GLB1L2: variants seen among roughly 807,000 people sequenced by gnomAD.
The protein encoded by GLB1L2 is beta-galactosidase-1-like protein 2.
GLB1L2 carries 68 observed loss-of-function variants against 84.1 expected under a neutral mutation model. The observed-to-expected ratio is 0.81, with a 90% CI of 0.67 to 0.99. The LOEUF (loss-of-function observed/expected upper bound fraction) is 0.99, where lower values mean the gene tolerates loss of function less well. GLB1L2 is among the 50% of genes least tolerant of loss of function. The pLI is 0.00. For missense variants in GLB1L2, 762 were observed against 805.6 expected (o/e 0.95, Z 0.66); for synonymous variants, 290 against 318.0 (o/e 0.91, Z 0.94).
At position 134,370,394 on chromosome 11, in the gene GLB1L2, GGGGAGGTGAGTGCTGTGGGCAGTCATC is replaced by G; in HGVS notation, c.1215+8_1215+34del. ...TCTGTGGGACGCCCTCAAGTACCTG[GGGGAGGTGAGTGCTGTGGGCAGTCATC>G]GGGAGGTGAGTGAGTGCCGGGGGCA... On this transcript the variant is annotated splice_donor_variant and splice_donor_5th_base_variant and coding_sequence_variant and intron_variant, in exon 12 of 19. Transcript: ENST00000535456. LOFTEE classifies it high-confidence loss of function. The surrounding 1 kb of genome is among the most constrained non-coding windows in gnomAD (Gnocchi z 4.7). 17 of 1,611,518 alleles carry G rather than the reference GGGGAGGTGAGTGCTGTGGGCAGTCATC, an allele frequency of 1.1e-5. No homozygotes were observed. The highest frequency in any genetic ancestry group is 1.3e-5 in the Non-Finnish European group (15 of 1,178,200).
rs535728884 is a variant in GLB1L2 at position 134,375,391 on chromosome 11, G to A, written c.*333G>A. On this transcript the variant is annotated 3_prime_UTR_variant, in exon 19 of 19. Coordinates refer to ENST00000535456, the MANE Select transcript of GLB1L2 (RefSeq NM_001370461.1). ...AAGTGCTGAAACGTGCCCTTGCACT[G>A]GACGTCACAGCCCTGCGAGCATCTG... The A allele has an allele frequency of 5.3e-5, 14 of 265,260 alleles. No homozygotes were observed. The highest frequency in any genetic ancestry group is 3.9e-4 in the South Asian group (6 of 15,524). The allele number at this position is 265,260 out of a possible 1,614,324, so 16.4% of individuals were successfully genotyped here.
Position 134,375,241 on chromosome 11 carries a change from G to C in GLB1L2, c.*183G>C. 1.7e-6 allele frequency: 1 copy of C among 576,140 alleles called. No homozygotes were observed. Among genetic ancestry groups the C allele is most frequent in the South Asian group, 2.2e-5 (1 of 44,770 alleles). 35.7% of individuals were successfully genotyped at this position (576,140 alleles called of 1,614,324 possible). On this transcript the variant is annotated 3_prime_UTR_variant, in exon 19 of 19. Transcript: ENST00000535456. The stretch of plus-strand genomic sequence containing the variant: ...ACCCTAAGCCTGCAGGGAAAGGTGG[G>C]ATGGCTCTGGGCCTGGCTTTGTTGA...
chr11:134,335,329 T>C (rs988724136), intron 1 of GLB1L2, among the ~76,000 whole-genome samples: 2 of 152,170 alleles, frequency 1.3e-5, no homozygotes, highest in African/African-American at 4.8e-5. Context: ...ATTGATTTTA[T>C]GGGCCTTGCC....
At chr11:134,366,034 C>T (rs1038042255) in intron 8 of GLB1L2, among the ~76,000 whole-genome samples, 1 of 152,162 alleles carries the variant, frequency 6.6e-6, no homozygotes, top group African/African-American at 2.4e-5. Context: ...TATAAGACAC[C>T]CTGTAAGTAG....
At chr11:134,372,052 G>A (rs185401439) in intron 15 of GLB1L2, among the ~76,000 whole-genome samples, 166 of 152,316 alleles carry the variant, frequency 1.1e-3, no homozygotes, top group African/African-American at 3.8e-3. Flanking sequence ...CTGCGTGCTC[G>A]TGATAAACAC....
intron 8 of GLB1L2, among the ~76,000 whole-genome samples, chr11:134,366,350 G>A (rs111432106): frequency 6.6e-6 from 1 of 152,314 alleles, no homozygotes; most frequent in African/African-American, 2.4e-5. Context: ...CCCGGGTATG[G>A]CTGGTACCTT....
In GLB1L2 at chr11:134,370,443, G is replaced by T. The variant is rs768050057; in HGVS notation, c.1215+44G>T. 1 of 1,458,716 alleles carries T rather than the reference G, an allele frequency of 6.9e-7. No individual in the cohort carries two copies. The highest frequency in any genetic ancestry group is 1.7e-5 in the Admixed American group (1 of 59,624). The allele number at this position is 1,458,716 out of a possible 1,614,324, so 90.4% of individuals were successfully genotyped here. ...CATCGGGAGGTGAGTGAGTGCCGGG[G>T]GCAGTCGTTGGCAGGGAGGTGAGTG... On this transcript the variant is annotated intron_variant, in intron 12 of 18. Coordinates refer to ENST00000535456, the MANE Select transcript of GLB1L2 (RefSeq NM_001370461.1). The surrounding 1 kb of genome is among the most constrained non-coding windows in gnomAD (Gnocchi z 4.7).
At position 134,342,906 on chromosome 11, in the gene GLB1L2, A is replaced by G; in HGVS notation, c.239A>G (p.Asp80Gly). ...YFRVPREYWR[D>G]RLLKMKACGL... The stretch of plus-strand genomic sequence containing the variant: ...CGTGTGCCCAGGGAGTACTGGAGGG[A>G]CCGCCTGCTGAAGATGAAGGCCTGT... The change falls in exon 2 of 19, where the codon GAC becomes GGC. Residue 80 changes from aspartate (D) to glycine (G), a missense_variant. By Grantham distance (94) the Asp-to-Gly change is moderately conservative. Transcript: ENST00000535456. The G allele has an allele frequency of 6.2e-7, 1 of 1,613,882 alleles. No homozygotes were observed. The highest frequency in any genetic ancestry group is 8.5e-7 in the Non-Finnish European group (1 of 1,179,928).
In GLB1L2 at chr11:134,370,308, C is replaced by T. The variant is rs998020488; in HGVS notation, c.1124C>T (p.Pro375Leu). 6.2e-7 allele frequency: 1 copy of T among 1,613,876 alleles called. No individual in the cohort carries two copies. Among genetic ancestry groups the T allele is most frequent in the East Asian group, 2.2e-5 (1 of 44,842 alleles). ...FGSISGIPLP[P>L]PPDLLPKMPY... is the part of the protein sequence containing the mutation. Reference sequence around the variant, plus strand: ...TGTGTTGCAGGCATCCCTCTCCCTCCCCCACCTGACCTTCTTCCCAAGATG... The same window carrying T: ...TGTGTTGCAGGCATCCCTCTCCCTCTCCCACCTGACCTTCTTCCCAAGATG... The change falls in exon 12 of 19, where the codon CCC becomes CTC. Residue 375 changes from proline to leucine, a missense_variant. By Grantham distance (98) the Pro-to-Leu change is moderately conservative. Transcript: ENST00000535456. The surrounding 1 kb of genome is among the most constrained non-coding windows in gnomAD (Gnocchi z 4.7).
At chr11:134,341,379 A>T (rs1201105190) in intron 1 of GLB1L2, among the ~76,000 whole-genome samples, 3 of 140,662 alleles carry the variant, frequency 2.1e-5, no homozygotes, top group African/African-American at 5.2e-5. Context: ...TCACTAACCC[A>T]AGGCGACAGT....
Position 134,334,583 on chromosome 11 carries a change from C to T in GLB1L2, c.86+2436C>T, listed in dbSNP as rs1192318028. Among the ~76,000 whole-genome samples, 1 of 151,862 alleles carries T rather than the reference C, an allele frequency of 6.6e-6. No homozygotes were observed. Among genetic ancestry groups the T allele is most frequent in the Non-Finnish European group, 1.5e-5 (1 of 67,976 alleles). On this transcript the variant is annotated intron_variant, in intron 1 of 18. Transcript: ENST00000535456. The surrounding 1 kb of genome is among the most constrained non-coding windows in gnomAD (Gnocchi z 4.1). ...CTAAATCCAGCTGTGAATCTATCACCACAGTTAAGATTGTGAAAACAGCCA... is the reference window on the plus strand; with the variant it reads ...CTAAATCCAGCTGTGAATCTATCACTACAGTTAAGATTGTGAAAACAGCCA...
At chr11:134,364,722 A>C in intron 8 of GLB1L2, 1 of 310,976 alleles carries the variant, frequency 3.2e-6, no homozygotes, top group Admixed American at 4.7e-5. Context: ...GGAAGGAAAA[A>C]CTTCCCTGTC....
At position 134,374,128 on chromosome 11, in the gene GLB1L2, C is replaced by G. The variant is rs377563408; in HGVS notation, c.1596-17C>G. On this transcript the variant is annotated splice_polypyrimidine_tract_variant and intron_variant, in intron 16 of 18. Transcript: ENST00000535456. The stretch of plus-strand genomic sequence containing the variant: ...AGAAGGGCCTCCTCCCTCTCCTTCT[C>G]TGTGTTCTGTCCTTAGGTTCGGCCT... 6.3e-7 allele frequency: 1 copy of G among 1,575,262 alleles called. No individual in the cohort carries two copies. Among genetic ancestry groups the G allele is most frequent in the Non-Finnish European group, 8.7e-7 (1 of 1,144,836 alleles).
intron 1 of GLB1L2, among the ~76,000 whole-genome samples, chr11:134,335,024 G>C (rs1943360575): frequency 6.6e-6 from 1 of 152,118 alleles, no homozygotes; most frequent in Admixed American, 6.5e-5. Flanking sequence ...GGGAAAGTTG[G>C]GAGAGGGGAA....
intron 1 of GLB1L2, among the ~76,000 whole-genome samples, chr11:134,341,943 GC>G (rs1384669580): frequency 1.4e-5 from 1 of 72,048 alleles, no homozygotes; most frequent in South Asian, 4.0e-4. Flanking sequence ...ACCGGCTCCT[GC>G]CCCGGACTCA....
At chr11:134,372,459 A>C (rs1474316261) in intron 15 of GLB1L2, 3 of 151,796 alleles carry the variant, frequency 2.0e-5, no homozygotes, top group African/African-American at 4.9e-5. Flanking sequence ...ATCTCGGCTC[A>C]CTGCATGCTC....
At chr11:134,350,375 A>C (rs923160625) in intron 5 of GLB1L2, among the ~76,000 whole-genome samples, 1 of 152,160 alleles carries the variant, frequency 6.6e-6, no homozygotes, top group East Asian at 1.9e-4. Context: ...TGAGCTCAGC[A>C]TGGCTTTATC....
At position 134,345,027 on chromosome 11, in the gene GLB1L2, T is replaced by TCC. The variant is rs1472409088; in HGVS notation, c.354-5_354-4dup. 6.2e-7 allele frequency: 1 copy of TCC among 1,610,232 alleles called. No individual in the cohort carries two copies. The highest frequency in any genetic ancestry group is 1.3e-5 in the African/African-American group (1 of 74,886). On this transcript the variant is annotated splice_region_variant and splice_polypyrimidine_tract_variant and intron_variant, in intron 3 of 18. Transcript: ENST00000535456. ...GTGGGAGGGGCTGACGATGTGGACC[T>TCC]CCCTAGGGCCTTCGTCCTGATGGCC...
intron 6 of GLB1L2, among the ~76,000 whole-genome samples, chr11:134,358,019 G>A (rs958299687): frequency 2.6e-5 from 4 of 152,200 alleles, no homozygotes; most frequent in African/African-American, 7.2e-5. Flanking sequence ...CTGGGCTCAT[G>A]GATTGAACTC....
Sources: gnomAD v4.1 joint callset for allele counts (sites outside exome capture counted in the v4.1 genomes callset) on GRCh38, gnomAD v4.1.1 for gene constraint, Gnocchi (gnomAD v3.1) non-coding constraint, MANE v1.5 for transcripts, NCBI Gene and HGNC (gene_info 2026-07-23, HGNC 2026-07-21) for gene names.